Variants in TBC1D9B observed in about 807,000 individuals in gnomAD.
TBC1D9B encodes the protein TBC1 domain family, member 9B (with GRAM domain).
Under a neutral mutation model 121.1 loss-of-function variants are expected in TBC1D9B, and 87 were observed. That is an observed-to-expected ratio of 0.72 (90% CI 0.60 to 0.86). The LOEUF is 0.86. Ranked by LOEUF, TBC1D9B falls within the 40% of genes least tolerant of loss-of-function variation. The pLI is 0.00. For missense variants in TBC1D9B, 1,540 were observed against 1,628.6 expected, an observed-to-expected ratio of 0.95 and a Z score of 0.94; for synonymous variants, 668 against 670.1, an observed-to-expected ratio of 1.00 and a Z score of 0.05.
At chr5:179,906,761 T>C (rs1761330404) in intron 1 of TBC1D9B, among the ~76,000 whole-genome samples, 1 of 152,244 alleles carries the variant, frequency 6.6e-6, no homozygotes, top group Non-Finnish European at 1.5e-5. Context: ...AGCCTCCGTC[T>C]GCATCTGGCT....
In TBC1D9B at chr5:179,904,804, C is replaced by G. The variant is rs754146906; in HGVS notation, c.127G>C (p.Val43Leu). The change falls in exon 2 of 21, where the codon GTG (valine) becomes CTG (leucine). Residue 43 changes from valine (V) to leucine (L), a missense_variant. Coordinates refer to ENST00000355235, the MANE Select transcript of TBC1D9B (RefSeq NM_015043.4). This position sits in a 1 kb window ranked among gnomAD's most constrained non-coding sequence, Gnocchi z 4.2. Reference protein sequence around the residue: ...GRGGGLTGLLVGTLDVVLDSS... With the variant: ...GRGGGLTGLLLGTLDVVLDSS... ...TCCAGCACCACGTCCAGGGTGCCCA[C>G]GAGAAGACCTGGGAACAGGGCAGAG... is the stretch of plus-strand genomic sequence containing the variant. The G allele has an allele frequency of 5.1e-6, 8 of 1,561,044 alleles. No individual in the cohort carries two copies. The highest frequency in any genetic ancestry group is 4.1e-5 in the African/African-American group (3 of 73,598).
rs931874026 is a variant in TBC1D9B, at chr5:179,879,179, C to T, written c.1435G>A (p.Glu479Lys). The T allele has an allele frequency of 1.2e-6, 2 of 1,602,666 alleles. No homozygotes were observed. The highest frequency in any genetic ancestry group is 1.7e-6 in the Non-Finnish European group (2 of 1,179,152). Residue 479 changes from glutamate to lysine, a missense_variant, in exon 9 of 21, where the codon GAG becomes AAG. By Grantham distance (56) the Glu-to-Lys change is moderately conservative. Transcript: ENST00000355235. The part of the protein sequence containing the change: ...GAKGAKEKMK[E>K]ESWHIHFFEY... The stretch of plus-strand genomic sequence containing the variant: ...AAGAAGTGGATGTGCCATGACTCCT[C>T]TTTCATCTTCTCCTTGGCCTGAGGG...
chr5:179,901,541 C>T (rs1008057928), intron 2 of TBC1D9B, among the ~76,000 whole-genome samples: 1 of 152,146 alleles, frequency 6.6e-6, no homozygotes, highest in Non-Finnish European at 1.5e-5. Flanking sequence ...TCCCAGCACT[C>T]TGGGAGGCTG....
chr5:179,877,338 A>T (rs11956186), intron 10 of TBC1D9B, among the ~76,000 whole-genome samples: 10,058 of 151,660 alleles, frequency 0.066, 1,099 homozygotes, highest in African/African-American at 0.23. Flanking sequence ...CTGTCTCTAA[A>T]AATAATAATA....
chr5:179,871,314 A>G, intron 15 of TBC1D9B, 148 bp downstream of exon 15: 1 of 758,680 alleles, frequency 1.3e-6, no homozygotes, highest in Non-Finnish European at 2.1e-6. Flanking sequence ...TGGCAACTGC[A>G]TCTGAGGATG....
rs775020533 is a variant in TBC1D9B, at chr5:179,870,290, G to A, written c.2690C>T (p.Ser897Leu). ...CACGAACTCCTTGAAGTTGATCAGC[G>A]AGTCCTTGTTTTCGTCCAGGAGCCT... ...MFRLLDENKD[S>L]LINFKEFVTG... is the part of the protein sequence containing the mutation. Residue 897 changes from serine (S) to leucine (L), a missense_variant, in exon 16 of 21, where the codon TCG (serine) becomes TTG (leucine). Ser to Leu is a moderately radical substitution (Grantham distance 145, BLOSUM62 -2). Coordinates refer to ENST00000355235, the MANE Select transcript of TBC1D9B (RefSeq NM_015043.4). 30 of 1,613,774 alleles carry A rather than the reference G, an allele frequency of 1.9e-5. No homozygotes were observed. The highest frequency in any genetic ancestry group is 8.3e-5 in the Admixed American group (5 of 60,002).
intron 2 of TBC1D9B, among the ~76,000 whole-genome samples, chr5:179,903,420 G>A (rs774813886): frequency 6.6e-6 from 1 of 152,192 alleles, no homozygotes; most frequent in Non-Finnish European, 1.5e-5. Flanking sequence ...GGACGGGTGA[G>A]TGCGCTTCCA....
chr5:179,870,471 A>G lies in TBC1D9B; in HGVS notation c.2509T>C (p.Trp837Arg). Residue 837 changes from tryptophan to arginine, a missense_variant, in exon 16 of 21, where the codon TGG becomes CGG. Coordinates refer to ENST00000355235, the MANE Select transcript of TBC1D9B (RefSeq NM_015043.4). Reference protein sequence around the residue: ...FKAKHLASQYWGCSRTMAGRR... With the variant: ...FKAKHLASQYRGCSRTMAGRR... Reference sequence around the variant, plus strand: ...CCGGCCATTGTGCGGCTGCACCCCCAGTACTGGCTAGCCAGGTGCTTGGCC... The same window carrying G: ...CCGGCCATTGTGCGGCTGCACCCCCGGTACTGGCTAGCCAGGTGCTTGGCC... 6.2e-7 allele frequency: 1 copy of G among 1,611,110 alleles called. No homozygotes were observed.
In TBC1D9B at chr5:179,872,533, T is replaced by C. The variant is rs564028204; in HGVS notation, c.2415+359A>G. The stretch of plus-strand genomic sequence containing the variant: ...AGAACAGCAGCTTGTGGCAGACACA[T>C]GCCATTTGGGGTGTGCGGAGGATGG... On this transcript the variant is annotated intron_variant, in intron 14 of 20. Coordinates refer to ENST00000355235, the MANE Select transcript of TBC1D9B (RefSeq NM_015043.4). 6 of 267,196 alleles carry C rather than the reference T, an allele frequency of 2.2e-5. No homozygotes were observed. In the South Asian group the frequency reaches 2.7e-4, roughly 12 times the overall value. The allele number at this position is 267,196 out of a possible 1,614,324, so 16.6% of individuals were successfully genotyped here.
Position 179,891,044 on chromosome 5 carries a change from G to A in TBC1D9B, c.1044+335C>T, listed in dbSNP as rs1049100041. Among the ~76,000 whole-genome samples, 3 of 152,238 alleles carry A rather than the reference G, an allele frequency of 2.0e-5. No individual in the cohort carries two copies. Among genetic ancestry groups the A allele is most frequent in the African/African-American group, 4.8e-5 (2 of 41,454 alleles). ...AACACGGTCCTCTAAGCGCAGCCACGGAGCAGCACTTTGCCCTGCAGGGCC... is the reference window on the plus strand; with the variant it reads ...AACACGGTCCTCTAAGCGCAGCCACAGAGCAGCACTTTGCCCTGCAGGGCC... On this transcript the variant is annotated intron_variant, in intron 6 of 20. Transcript: ENST00000355235. The surrounding 1 kb of genome is among the most constrained non-coding windows in gnomAD (Gnocchi z 4.3).
rs71001055 is a variant in TBC1D9B, at chr5:179,897,316, C to CTT, written c.348+1871_348+1872dup. 2.9e-3 allele frequency among the ~76,000 whole-genome samples: 407 copies of CTT among 141,440 alleles called. 2 individuals are homozygous for CTT. Among genetic ancestry groups the CTT allele is most frequent in the Non-Finnish European group, 4.0e-3 (258 of 64,754 alleles). 92.8% of individuals were successfully genotyped at this position (141,440 alleles called of 152,430 possible). ...AGTAGTATTTCAATCATTTTCTTTTCTTTTTTTTTTTTTTGAGATGGAGTC... is the reference window on the plus strand; with the variant it reads ...AGTAGTATTTCAATCATTTTCTTTTCTTTTTTTTTTTTTTTTGAGATGGAGTC... On this transcript the variant is annotated intron_variant, in intron 3 of 20. Transcript: ENST00000355235.
Position 179,873,250 on chromosome 5 carries a change from T to C in TBC1D9B, c.2187-2A>G. ...TTGTTGACCACATTATCCAGGTATCTGCAAAGGACAGAGGACAACAGTCCA... is the reference window on the plus strand; with the variant it reads ...TTGTTGACCACATTATCCAGGTATCCGCAAAGGACAGAGGACAACAGTCCA... On this transcript the variant is annotated splice_acceptor_variant, in intron 12 of 20. Transcript: ENST00000355235. LOFTEE classifies it high-confidence loss of function. The C allele has an allele frequency of 1.2e-6, 2 of 1,602,060 alleles. No individual in the cohort carries two copies. Among genetic ancestry groups the C allele is most frequent in the Non-Finnish European group, 8.5e-7 (1 of 1,174,170 alleles).
intron 7 of TBC1D9B, among the ~76,000 whole-genome samples, chr5:179,881,795 C>G (rs1457572949): frequency 6.6e-6 from 1 of 152,090 alleles, no homozygotes; most frequent in East Asian, 1.9e-4. Flanking sequence ...GATGTCAGTT[C>G]CCTACTACAA....
Position 179,864,050 on chromosome 5 carries a change from T to C in TBC1D9B, c.3100A>G (p.Ile1034Val), listed in dbSNP as rs2113595902. 1 of 1,613,738 alleles carries C rather than the reference T, an allele frequency of 6.2e-7. No individual in the cohort carries two copies. ...AGCAGGAGGCTGGCCACGGTGGCGATGGCGTGGTACAGGTCCTGCTCCATG... is the reference window on the plus strand; with the variant it reads ...AGCAGGAGGCTGGCCACGGTGGCGACGGCGTGGTACAGGTCCTGCTCCATG... The part of the protein sequence containing the change: ...DPMEQDLYHA[I>V]ATVASLLLRI... Residue 1034 changes from isoleucine (I) to valine (V), a missense_variant, in exon 21 of 21, where the codon ATC becomes GTC. Transcript: ENST00000355235.
chr5:179,865,172 C>A lies in TBC1D9B; in HGVS notation c.3021+82G>T. 1 of 1,300,474 alleles carries A rather than the reference C, an allele frequency of 7.7e-7. No homozygotes were observed. The highest frequency in any genetic ancestry group is 1.1e-6 in the Non-Finnish European group (1 of 898,616). 80.6% of individuals were successfully genotyped at this position (1,300,474 alleles called of 1,614,324 possible). A position where few individuals can be genotyped will look rare whatever the true frequency, so the allele number is the denominator to read the frequency against. ...CCTTCCCACCCACCAGGAGATGCTG[C>A]AGTGCAGGTGCGGTGATGTTAGGGC... On this transcript the variant is annotated intron_variant, in intron 20 of 20. Transcript: ENST00000355235. The surrounding 1 kb of genome is among the most constrained non-coding windows in gnomAD (Gnocchi z 5.1).
At position 179,882,633 on chromosome 5, in the gene TBC1D9B, C is replaced by T. The variant is rs145648189; in HGVS notation, c.1255-2844G>A. On this transcript the variant is annotated intron_variant, in intron 7 of 20. Coordinates refer to ENST00000355235, the MANE Select transcript of TBC1D9B (RefSeq NM_015043.4). ...CTGAGGCAGGTGGATCACCCTAGGT[C>T]AGGAGTTCGAGATCAGTCTGGCCAA... Among the ~76,000 whole-genome samples, 36 of 152,278 alleles carry T rather than the reference C, an allele frequency of 2.4e-4. No homozygotes were observed. In the East Asian group the frequency reaches 6.0e-3, roughly 25 times the overall value.
At chr5:179,898,042 G>A (rs767684365) in intron 3 of TBC1D9B, among the ~76,000 whole-genome samples, 5 of 152,178 alleles carry the variant, frequency 3.3e-5, no homozygotes, top group Non-Finnish European at 7.3e-5. Flanking sequence ...CAGGCCAGGT[G>A]CGGTGGCTGA....
intron 12 of TBC1D9B, 120 bp from the exon 13 acceptor site, chr5:179,873,368 AG>A: frequency 7.2e-7 from 1 of 1,387,012 alleles, no homozygotes; most frequent in Non-Finnish European, 9.5e-7. Flanking sequence ...GAGTGTGCAG[AG>A]GACTGGGCAC....
chr5:179,867,197 C>A, intron 18 of TBC1D9B: 1 of 472,068 alleles, frequency 2.1e-6, no homozygotes, highest in Non-Finnish European at 3.9e-6. Flanking sequence ...ATGTCTCTAA[C>A]ATGTGGCTGT....
Sources: allele counts gnomAD v4.1 joint callset (sites outside exome capture counted in the v4.1 genomes callset), GRCh38; gene constraint gnomAD v4.1.1; non-coding constraint Gnocchi (gnomAD v3.1); transcripts MANE v1.5; gene names NCBI Gene and HGNC (gene_info 2026-07-23, HGNC 2026-07-21).